MIER3: variants seen among roughly 807,000 people sequenced by gnomAD.
MIER3 encodes mesoderm induction early response protein 3.
MIER3 carries 9 observed loss-of-function variants against 63.2 expected under a neutral mutation model. The ratio of observed to expected loss-of-function variants is 0.14; its 90% CI spans 0.09 to 0.25. The LOEUF is 0.25. MIER3 is among the 10% of genes least tolerant of loss of function. The pLI is 1.00. For missense variants in MIER3, 512 were observed against 666.2 expected (o/e 0.77, Z 2.55); for synonymous variants, 205 against 224.9 (o/e 0.91, Z 0.79).
chr5:56,947,876 C>G (rs1331821158), intron 2 of MIER3, among the ~76,000 whole-genome samples: 2 of 152,088 alleles, frequency 1.3e-5, no homozygotes, highest in Non-Finnish European at 2.9e-5. Flanking sequence ...CAATAGGAAA[C>G]TCCAAAAACC....
chr5:56,932,704 G>A (rs1274997000), intron 8 of MIER3, among the ~76,000 whole-genome samples: 1 of 152,126 alleles, frequency 6.6e-6, no homozygotes, highest in Non-Finnish European at 1.5e-5. Context: ...AGGTACACAA[G>A]CGCTTAACAA....
intron 7 of MIER3, among the ~76,000 whole-genome samples, chr5:56,935,030 T>G (rs1177085072): frequency 6.6e-6 from 1 of 152,208 alleles, no homozygotes; most frequent in Non-Finnish European, 1.5e-5. Flanking sequence ...GAGAATTTCT[T>G]CCAGTCTCTT....
chr5:56,934,288 T>C (rs1379963454), intron 7 of MIER3, among the ~76,000 whole-genome samples: 4 of 152,144 alleles, frequency 2.6e-5, no homozygotes, highest in Admixed American at 6.6e-5. Context: ...GAAGGAAAGT[T>C]AAAAATAAAG....
At chr5:56,944,963 T>C (rs928557081) in intron 3 of MIER3, among the ~76,000 whole-genome samples, 4 of 152,122 alleles carry the variant, frequency 2.6e-5, no homozygotes, top group South Asian at 2.1e-4. Flanking sequence ...TCCCAAAGTG[T>C]TGAGATTACA....
intron 2 of MIER3, among the ~76,000 whole-genome samples, chr5:56,948,782 A>C (rs1750916313): frequency 6.6e-6 from 1 of 152,220 alleles, no homozygotes; most frequent in Non-Finnish European, 1.5e-5. Context: ...GGTATGCCAA[A>C]GAGGCAGAAA....
chr5:56,942,901 T>G (rs1435069188), intron 3 of MIER3, among the ~76,000 whole-genome samples: 1 of 152,122 alleles, frequency 6.6e-6, no homozygotes, highest in Non-Finnish European at 1.5e-5. Flanking sequence ...ATCCCAGCAC[T>G]TTGGGACGCC....
intron 3 of MIER3, among the ~76,000 whole-genome samples, chr5:56,940,725 G>T (rs1000388445): frequency 2.6e-5 from 4 of 152,172 alleles, no homozygotes; most frequent in African/African-American, 7.2e-5. Flanking sequence ...TCAGAACAGG[G>T]TGAAGTTCAC....
chr5:56,950,840 C>T (rs567085129), intron 1 of MIER3, among the ~76,000 whole-genome samples, 188 bp from the exon 2 acceptor site: 1 of 152,160 alleles, frequency 6.6e-6, no homozygotes, highest in African/African-American at 2.4e-5. Context: ...CCTTCCTCCC[C>T]GAGTCCCAAG....
chr5:56,946,269 A>G (rs1022824569), intron 3 of MIER3, among the ~76,000 whole-genome samples: 2 of 152,212 alleles, frequency 1.3e-5, no homozygotes, highest in African/African-American at 4.8e-5. Context: ...AATATGGTTA[A>G]GTAAGCATAA....
intron 7 of MIER3, among the ~76,000 whole-genome samples, chr5:56,934,322 T>G (rs1170646328): frequency 6.6e-6 from 1 of 152,230 alleles, no homozygotes; most frequent in Admixed American, 6.5e-5. Flanking sequence ...CAGTAAGACT[T>G]GACTTTTGAG....
Position 56,933,304 on chromosome 5 carries a change from G to A in MIER3, c.690C>T (p.Gly230=). 1 of 1,612,760 alleles carries A rather than the reference G, an allele frequency of 6.2e-7. No homozygotes were observed. The highest frequency in any genetic ancestry group is 8.5e-7 in the Non-Finnish European group (1 of 1,179,406). Residue 230 remains glycine, a synonymous_variant, in exon 8 of 13, where the codon GGC becomes GGT. Transcript: ENST00000381199. Reference sequence around the variant, plus strand: ...AAATCCTATCCATTATTTTTTCACTGCCAGTCCTTAATGAAGTCTCAACAA... The same window carrying A: ...AAATCCTATCCATTATTTTTTCACTACCAGTCCTTAATGAAGTCTCAACAA... ...EYLVETSLRT[G]SEKIMDRISA...
intron 10 of MIER3, 35 bp downstream of exon 10, chr5:56,928,732 C>T: frequency 7.0e-7 from 1 of 1,436,290 alleles, no homozygotes; most frequent in Non-Finnish European, 9.6e-7. Flanking sequence ...TTCACTGTAA[C>T]TAGTAATTTA....
intron 2 of MIER3, 131 bp downstream of exon 2, chr5:56,950,497 C>T: frequency 1.1e-6 from 1 of 935,534 alleles, no homozygotes; most frequent in Non-Finnish European, 1.6e-6. Flanking sequence ...ACTAAATGCA[C>T]ACTGAAACTC....
intron 10 of MIER3, 44 bp from the exon 11 acceptor site, chr5:56,924,086 ATT>A: frequency 6.3e-7 from 1 of 1,584,888 alleles, no homozygotes; most frequent in Non-Finnish European, 8.6e-7. Context: ...AAACTCAACC[ATT>A]TTTTTAAGCA....
rs777014337 is a variant in MIER3, at chr5:56,929,005, A to ACACACACT, written c.830-145_830-144insAGTGTGTG. ...CACTCTCTCTCTCACACACACACAC[A>ACACACACT]CTCTCTCTCTCTCTCTCTCTCTGTA... On this transcript the variant is annotated intron_variant, in intron 9 of 12. Transcript: ENST00000381199. The ACACACACT allele has an allele frequency of 1.7e-4, 89 of 510,822 alleles. 1 individual carries two copies. The highest frequency in any genetic ancestry group is 5.0e-4 in the African/African-American group (25 of 50,140). The allele number at this position is 510,822 out of a possible 1,614,324, so 31.6% of individuals were successfully genotyped here. A position where few individuals can be genotyped will look rare whatever the true frequency, so the allele number is the denominator to read the frequency against.
At chr5:56,932,848 G>C (rs1175788044) in intron 8 of MIER3, among the ~76,000 whole-genome samples, 1 of 152,012 alleles carries the variant, frequency 6.6e-6, no homozygotes, top group Non-Finnish European at 1.5e-5. Context: ...TTAAATAAAT[G>C]AATTACAAGT....
At chr5:56,929,631 A>G (rs765160166) in intron 9 of MIER3, 10 of 152,186 alleles carry the variant, frequency 6.6e-5, no homozygotes, top group Non-Finnish European at 1.2e-4. Context: ...TAATCAACAC[A>G]TATTTATTTG....
chr5:56,951,490 G>C (rs1035624445), intron 1 of MIER3, among the ~76,000 whole-genome samples: 1 of 152,174 alleles, frequency 6.6e-6, no homozygotes, highest in Non-Finnish European at 1.5e-5. Context: ...AACCCCAGGG[G>C]CTCCCGCACC....
chr5:56,933,870 T>C (rs1166071596), intron 7 of MIER3, among the ~76,000 whole-genome samples: 2 of 152,060 alleles, frequency 1.3e-5, no homozygotes, highest in Non-Finnish European at 2.9e-5. Flanking sequence ...AAGAAGGGTA[T>C]ACTTTTTCTC....
Sources: allele counts gnomAD v4.1 joint callset (sites outside exome capture counted in the v4.1 genomes callset), GRCh38; gene constraint gnomAD v4.1.1; transcripts MANE v1.5; gene names NCBI Gene and HGNC (gene_info 2026-07-23, HGNC 2026-07-21).